The following ENPEP variants were observed in gnomAD, a reference collection of about 807,000 sequenced individuals.
ENPEP encodes the protein glutamyl aminopeptidase.
ENPEP carries 103 observed loss-of-function variants against 114.5 expected under a neutral mutation model. The ratio of observed to expected loss-of-function variants is 0.90; its 90% CI spans 0.77 to 1.06. The LOEUF (loss-of-function observed/expected upper bound fraction) is 1.06, where lower values mean the gene tolerates loss of function less well. ENPEP is among the 50% of genes least tolerant of loss of function. The pLI, the probability that ENPEP is intolerant of heterozygous loss-of-function variation, is 0.00. For missense variants in ENPEP, 1,196 were observed against 1,161.3 expected, an observed-to-expected ratio of 1.03 and a Z score of -0.43; for synonymous variants, 420 against 422.0, an observed-to-expected ratio of 1.00 and a Z score of 0.06.
chr4:110,515,619 A>G lies in ENPEP; in HGVS notation c.1509+177A>G. On this transcript the variant is annotated intron_variant, in intron 8 of 19. Coordinates refer to ENST00000265162, the MANE Select transcript of ENPEP (RefSeq NM_001977.4). ...ACATCCAATTGAGTACCTACATTGT[A>G]TCTGTAATGATCATTTAGCAGAAGT... The G allele has an allele frequency of 8.0e-6, 5 of 626,588 alleles. 1 individual carries two copies. The South Asian group carries it at 8.9e-5, about 11-fold the overall frequency. 38.8% of individuals were successfully genotyped at this position (626,588 alleles called of 1,614,324 possible).
intron 3 of ENPEP, among the ~76,000 whole-genome samples, chr4:110,501,214 A>G (rs914982074): frequency 2.0e-5 from 3 of 152,174 alleles, no homozygotes; most frequent in Non-Finnish European, 4.4e-5. Flanking sequence ...GGCTCTGTTG[A>G]TCAAAGTAGC....
intron 8 of ENPEP, chr4:110,515,930 T>TA (rs1204428629): frequency 2.8e-5 from 11 of 393,362 alleles, no homozygotes; most frequent in Non-Finnish European, 5.1e-5. Flanking sequence ...GTGTCTCTTA[T>TA]AAGGATACTG....
intron 10 of ENPEP, among the ~76,000 whole-genome samples, chr4:110,521,456 TAG>T (rs1286890021): frequency 6.6e-6 from 1 of 151,834 alleles, no homozygotes; most frequent in Non-Finnish European, 1.5e-5. Flanking sequence ...TTCTCGATAA[TAG>T]AGAGAGTACA....
intron 10 of ENPEP, among the ~76,000 whole-genome samples, chr4:110,522,153 C>G (rs1368790187): frequency 6.6e-6 from 1 of 151,990 alleles, no homozygotes. Context: ...GCTGGGATTA[C>G]AGGCGTGAGC....
intron 13 of ENPEP, among the ~76,000 whole-genome samples, chr4:110,547,611 T>A (rs1390518409): frequency 1.3e-5 from 2 of 152,072 alleles, no homozygotes; most frequent in African/African-American, 4.8e-5. Flanking sequence ...ATATCAACAG[T>A]GTCTTCAAAT....
intron 13 of ENPEP, among the ~76,000 whole-genome samples, chr4:110,547,215 C>T (rs2110391791): frequency 6.6e-6 from 1 of 152,148 alleles, no homozygotes; most frequent in South Asian, 2.1e-4. Context: ...AAATTTTAAG[C>T]TATAGCTTCC....
At chr4:110,513,651 C>T in intron 7 of ENPEP, 102 bp downstream of exon 7, 3 of 1,421,310 alleles carry the variant, frequency 2.1e-6, no homozygotes, top group East Asian at 2.3e-5. Flanking sequence ...TGCCAGTGAG[C>T]TTTGGAAAAC....
At chr4:110,550,822 T>C (rs1462313386) in intron 17 of ENPEP, among the ~76,000 whole-genome samples, 1 of 152,084 alleles carries the variant, frequency 6.6e-6, no homozygotes, top group Non-Finnish European at 1.5e-5. Context: ...AACAGTAAAT[T>C]ACAATGCAAT....
chr4:110,529,205 T>C (rs1726311342), intron 10 of ENPEP, among the ~76,000 whole-genome samples: 1 of 152,122 alleles, frequency 6.6e-6, no homozygotes, highest in East Asian at 1.9e-4. Flanking sequence ...CGCTGCCTGC[T>C]CTGTTGTTTC....
Position 110,476,495 on chromosome 4 carries a change from G to T in ENPEP, c.81G>T (p.Val27=). The change falls in exon 1 of 20, where the codon GTG becomes GTT. Residue 27 remains valine (V), a synonymous_variant. Coordinates refer to ENST00000265162, the MANE Select transcript of ENPEP (RefSeq NM_001977.4). The part of the protein sequence containing the change: ...KHVAILCAVV[V]GVGLIVGLAV... ...TGGCCATTCTCTGTGCGGTGGTGGT[G>T]GGTGTAGGATTAATAGTGGGACTTG... 1 of 1,583,684 alleles carries T rather than the reference G, an allele frequency of 6.3e-7. No homozygotes were observed. The highest frequency in any genetic ancestry group is 8.6e-7 in the Non-Finnish European group (1 of 1,161,262).
At chr4:110,477,079 T>G in intron 1 of ENPEP, 21 bp downstream of exon 1, 4 of 1,603,718 alleles carry the variant, frequency 2.5e-6, no homozygotes, top group Non-Finnish European at 3.4e-6. Flanking sequence ...ATTTTTGCTT[T>G]ACCTCCCTTA....
chr4:110,511,619 T>G (rs1045517021), intron 6 of ENPEP, among the ~76,000 whole-genome samples: 1 of 152,254 alleles, frequency 6.6e-6, no homozygotes, highest in African/African-American at 2.4e-5. Context: ...TATAACATTT[T>G]AATATTGTCT....
chr4:110,481,573 C>T (rs1017467952), intron 1 of ENPEP, among the ~76,000 whole-genome samples: 2 of 152,294 alleles, frequency 1.3e-5, no homozygotes, highest in East Asian at 3.9e-4. Flanking sequence ...CTAGTATCCT[C>T]TGGCAAATGC....
chr4:110,508,862 A>G (rs1383301911), intron 4 of ENPEP, among the ~76,000 whole-genome samples: 1 of 152,220 alleles, frequency 6.6e-6, no homozygotes, highest in Non-Finnish European at 1.5e-5. Context: ...GCCTTCTCTT[A>G]TATGTTAAGT....
At chr4:110,534,504 C>CTTTTT (rs71595561) in intron 11 of ENPEP, among the ~76,000 whole-genome samples, 1,021 of 52,054 alleles carry the variant, frequency 0.02, 48 homozygotes, top group Non-Finnish European at 0.024. Flanking sequence ...TTCGTTGTTT[C>CTTTTT]TTTTTTTTTT....
chr4:110,538,233 T>G (rs1726716362), intron 11 of ENPEP, among the ~76,000 whole-genome samples: 1 of 152,126 alleles, frequency 6.6e-6, no homozygotes, highest in Non-Finnish European at 1.5e-5. Context: ...ATAAAGCTGT[T>G]TCATCTACAC....
At chr4:110,501,001 C>T (rs994289934) in intron 3 of ENPEP, among the ~76,000 whole-genome samples, 1 of 152,080 alleles carries the variant, frequency 6.6e-6, no homozygotes, top group African/African-American at 2.4e-5. Flanking sequence ...TTCAAAATCA[C>T]CAAATCCAAG....
chr4:110,491,197 C>T (rs1207368436), intron 3 of ENPEP, 33 bp downstream of exon 3: 3 of 1,542,766 alleles, frequency 1.9e-6, no homozygotes, highest in Non-Finnish European at 2.6e-6. Context: ...AATTTACCAC[C>T]TATGCATTTG....
chr4:110,520,555 A>T (rs139444982), intron 10 of ENPEP, among the ~76,000 whole-genome samples, 189 bp downstream of exon 10: 147 of 152,330 alleles, frequency 9.7e-4, no homozygotes, highest in African/African-American at 3.4e-3. Flanking sequence ...GGCAGAGCAC[A>T]TCCATCCGCA....
Sources: allele counts gnomAD v4.1 joint callset (sites outside exome capture counted in the v4.1 genomes callset), GRCh38; gene constraint gnomAD v4.1.1; transcripts MANE v1.5; gene names NCBI Gene and HGNC (gene_info 2026-07-23, HGNC 2026-07-21).